The following MID1 variants were observed in gnomAD, a reference collection of about 807,000 sequenced individuals.
The protein encoded by MID1 is E3 ubiquitin-protein ligase Midline-1.
In MID1, 7 loss-of-function variants were observed where a neutral mutation model predicts 40.4. That is an observed-to-expected ratio of 0.17 (90% CI 0.10 to 0.33). MID1 has a LOEUF of 0.33. Ranked by LOEUF, MID1 falls within the 10% of genes least tolerant of loss-of-function variation. The pLI, the probability that MID1 is intolerant of heterozygous loss-of-function variation, is 1.00. For missense variants in MID1, 367 were observed against 558.5 expected, an observed-to-expected ratio of 0.66 and a Z score of 3.46; for synonymous variants, 229 against 221.2, an observed-to-expected ratio of 1.04 and a Z score of -0.31.
At chrX:10,457,069 A>G (rs1391221535) in intron 8 of MID1, among the ~76,000 whole-genome samples, 2 of 111,884 alleles carry the variant, frequency 1.8e-5, no homozygotes, top group African/African-American at 6.5e-5. Flanking sequence ...TGCTTAAAAT[A>G]TTTCAATTTT....
intron 1 of MID1, among the ~76,000 whole-genome samples, chrX:10,810,874 T>C (rs1007085603): frequency 1.2e-4 from 13 of 110,766 alleles, no homozygotes; most frequent in Non-Finnish European, 2.5e-4. Context: ...TCTATTATTA[T>C]TTTTTATAAT....
chrX:10,735,884 G>A (rs1395638611), intron 1 of MID1, among the ~76,000 whole-genome samples: 1 of 108,950 alleles, frequency 9.2e-6, no homozygotes, highest in Non-Finnish European at 1.9e-5. Flanking sequence ...CCCCTGCCTC[G>A]GTCTCCCAAA....
At position 10,445,569 on chromosome X, in the gene MID1, A is replaced by G. The variant is rs1267214118; in HGVS notation, c.*3799T>C. 1 of 112,120 alleles carries G rather than the reference A, an allele frequency of 8.9e-6. No homozygotes were observed. Among genetic ancestry groups the G allele is most frequent in the Non-Finnish European group, 1.9e-5 (1 of 53,238 alleles). 9.2% of individuals were successfully genotyped at this position (112,120 alleles called of 1,213,427 possible). ...AGAGACAGAGGGTCTTGGTGCCACAAAAATGATTTTATTTTGAACCAGAAA... is the reference window on the plus strand; with the variant it reads ...AGAGACAGAGGGTCTTGGTGCCACAGAAATGATTTTATTTTGAACCAGAAA... On this transcript the variant is annotated 3_prime_UTR_variant, in exon 10 of 10. Transcript: ENST00000317552.
At chrX:10,534,758 A>T (rs1264009451) in intron 2 of MID1, among the ~76,000 whole-genome samples, 1 of 112,495 alleles carries the variant, frequency 8.9e-6, no homozygotes, top group Non-Finnish European at 1.9e-5. Flanking sequence ...TCAAAAAAAT[A>T]GATTAAAATT....
At chrX:10,611,200 T>C (rs1396973438) in intron 1 of MID1, among the ~76,000 whole-genome samples, 1 of 112,257 alleles carries the variant, frequency 8.9e-6, no homozygotes, top group African/African-American at 3.2e-5. Flanking sequence ...TGGTAGTAAA[T>C]TATACTTGTA....
At chrX:10,566,514 TCTCTCTCCCTCTCTCTCC>T (rs1172601661) in intron 2 of MID1, among the ~76,000 whole-genome samples, 3 of 88,987 alleles carry the variant, frequency 3.4e-5, no homozygotes, top group African/African-American at 1.8e-4. Flanking sequence ...TCTCTCTCCC[TCTCTCTCCCTCTCTCTCC>T]CTCTCTCTCT....
chrX:10,569,897 C>T (rs1934673312), intron 1 of MID1, among the ~76,000 whole-genome samples: 1 of 111,734 alleles, frequency 8.9e-6, no homozygotes, highest in Non-Finnish European at 1.9e-5. Flanking sequence ...TTATCATGGG[C>T]CAAGCCAGCA....
chrX:10,669,186 T>TC (rs1484122457), intron 1 of MID1, among the ~76,000 whole-genome samples: 1 of 91,709 alleles, frequency 1.1e-5, no homozygotes, highest in Non-Finnish European at 2.0e-5. Context: ...ACCACTGCAG[T>TC]CCGCAGTCCG....
At chrX:10,591,461 G>C (rs1316824423) in intron 1 of MID1, among the ~76,000 whole-genome samples, 2 of 112,104 alleles carry the variant, frequency 1.8e-5, no homozygotes, top group Non-Finnish European at 3.8e-5. Flanking sequence ...GATGCAAATA[G>C]TTAGTTTCAC....
At chrX:10,665,992 C>T (rs56194223) in intron 1 of MID1, among the ~76,000 whole-genome samples, 1,897 of 108,870 alleles carry the variant, frequency 0.017, 33 homozygotes, top group Admixed American at 0.077. Context: ...TGTCTCTTCC[C>T]TATGACCAGA....
At chrX:10,496,755 G>A (rs1931275301) in intron 3 of MID1, among the ~76,000 whole-genome samples, 1 of 111,906 alleles carries the variant, frequency 8.9e-6, no homozygotes, top group Non-Finnish European at 1.9e-5. Context: ...ATCCACTGAT[G>A]GCTGTTCACA....
At chrX:10,704,716 G>A (rs763873905) in intron 1 of MID1, among the ~76,000 whole-genome samples, 1,424 of 78,051 alleles carry the variant, frequency 0.018, 39 homozygotes, top group African/African-American at 0.059. Flanking sequence ...GTGTGTGTGT[G>A]TATATATATA....
At chrX:10,647,153 G>A (rs774264649) in intron 1 of MID1, among the ~76,000 whole-genome samples, 4 of 111,382 alleles carry the variant, frequency 3.6e-5, no homozygotes, top group Admixed American at 1.9e-4. Context: ...CCAGGAGGTA[G>A]GTGTAACAGG....
chrX:10,566,323 G>A (rs1427649506), intron 2 of MID1, among the ~76,000 whole-genome samples: 1 of 111,301 alleles, frequency 9.0e-6, no homozygotes, highest in Non-Finnish European at 1.9e-5. Context: ...GTTTATACAA[G>A]GAATAAAAGG....
At chrX:10,540,264 G>C (rs978046581) in intron 2 of MID1, among the ~76,000 whole-genome samples, 1 of 111,740 alleles carries the variant, frequency 8.9e-6, no homozygotes, top group Non-Finnish European at 1.9e-5. Flanking sequence ...CCTTTAGATA[G>C]TATATCCCAG....
chrX:10,633,449 C>CT lies in MID1; in HGVS notation c.-186-13031dup, dbSNP rs1370672479. Among the ~76,000 whole-genome samples the CT allele has an allele frequency of 5.5e-5, 6 of 110,087 alleles. No individual in the cohort carries two copies. The East Asian group carries it at 1.1e-3, about 21-fold the overall frequency. On this transcript the variant is annotated intron_variant, in intron 1 of 10. Coordinates refer to the MID1 transcript ENST00000380785. Reference sequence around the variant, plus strand: ...TTTTGTGTGAACTCTTGTGTATGTACTTTTTTTTCTTTTTTTGAGACAAGG... The same window carrying CT: ...TTTTGTGTGAACTCTTGTGTATGTACTTTTTTTTTCTTTTTTTGAGACAAGG...
chrX:10,677,848 G>GA (rs1261542421), intron 1 of MID1: 10 of 108,287 alleles, frequency 9.2e-5, no homozygotes, highest in East Asian at 5.8e-4. Context: ...CTCCTCTCCA[G>GA]AAAAAAAAAT....
chrX:10,508,978 A>G (rs959438150), intron 3 of MID1, among the ~76,000 whole-genome samples: 2 of 111,359 alleles, frequency 1.8e-5, no homozygotes, highest in Middle Eastern at 4.6e-3. Flanking sequence ...CTCCCTTTGT[A>G]TCCTGGTCTT....
intron 1 of MID1, among the ~76,000 whole-genome samples, chrX:10,819,874 T>C (rs1428859106): frequency 8.9e-6 from 1 of 112,070 alleles, no homozygotes; most frequent in Non-Finnish European, 1.9e-5. Flanking sequence ...TAGGACTCAG[T>C]ACGTATAGGC....
Sources: allele counts gnomAD v4.1 joint callset (sites outside exome capture counted in the v4.1 genomes callset), GRCh38; gene constraint gnomAD v4.1.1; transcripts MANE v1.5; gene names NCBI Gene and HGNC (gene_info 2026-07-23, HGNC 2026-07-21).